The following NALF1 variants were observed in gnomAD, a reference collection of about 807,000 sequenced individuals.
NALF1 encodes family with sequence similarity 155 member A.
Under a neutral mutation model 48.4 loss-of-function variants are expected in NALF1, and 3 were observed. That is an observed-to-expected ratio of 0.06 (90% CI 0.03 to 0.16). The LOEUF (loss-of-function observed/expected upper bound fraction) is 0.16. Ranked by LOEUF, NALF1 falls within the 10% of genes least tolerant of loss-of-function variation. NALF1 has a pLI of 1.00. For missense variants in NALF1, 526 were observed against 571.5 expected (o/e 0.92, Z 0.81); for synonymous variants, 262 against 245.7 (o/e 1.07, Z -0.62).
intron 1 of NALF1, among the ~76,000 whole-genome samples, chr13:107,751,099 G>A (rs1175317716): frequency 1.3e-5 from 2 of 152,188 alleles, no homozygotes; most frequent in Admixed American, 1.3e-4. Context: ...ATTTCCTCCA[G>A]TGCAAACTAA....
intron 1 of NALF1, among the ~76,000 whole-genome samples, chr13:107,312,241 C>T (rs1180143742): frequency 6.6e-6 from 1 of 152,094 alleles, no homozygotes; most frequent in Non-Finnish European, 1.5e-5. Context: ...ACTATGCAGC[C>T]ATAAAAAATG....
chr13:107,771,271 T>C (rs1389473164), intron 1 of NALF1, among the ~76,000 whole-genome samples: 1 of 152,062 alleles, frequency 6.6e-6, no homozygotes, highest in Non-Finnish European at 1.5e-5. Flanking sequence ...TGTCAGTATA[T>C]GATAATTACT....
intron 1 of NALF1, among the ~76,000 whole-genome samples, chr13:107,239,465 G>A (rs1374357037): frequency 1.3e-5 from 2 of 152,136 alleles, no homozygotes; most frequent in African/African-American, 4.8e-5. Context: ...TATTGGATTA[G>A]GGCCCATCCT....
At chr13:107,764,029 G>A (rs1877351865) in intron 1 of NALF1, among the ~76,000 whole-genome samples, 1 of 152,116 alleles carries the variant, frequency 6.6e-6, no homozygotes, top group South Asian at 2.1e-4. Flanking sequence ...TGGGAAAGTC[G>A]ACCAGGCATA....
chr13:107,755,525 C>T (rs1055980513), intron 1 of NALF1, among the ~76,000 whole-genome samples: 9 of 151,176 alleles, frequency 6.0e-5, no homozygotes, highest in Non-Finnish European at 1.0e-4. Context: ...GTTCCATTTT[C>T]ATGCCAAAAT....
At chr13:107,581,613 T>G (rs372770699) in intron 1 of NALF1, among the ~76,000 whole-genome samples, 1 of 152,136 alleles carries the variant, frequency 6.6e-6, no homozygotes, top group Non-Finnish European at 1.5e-5. Context: ...CTAGTTCTGG[T>G]TGGAACTAAG....
Position 107,269,808 on chromosome 13 carries a change from GTTTC to G in NALF1, c.916-59057_916-59054del, listed in dbSNP as rs562005325. Among the ~76,000 whole-genome samples, 89 of 142,608 alleles carry G rather than the reference GTTTC, an allele frequency of 6.2e-4. 2 individuals carry two copies. In the East Asian group the frequency reaches 0.018, roughly 29 times the overall value. 93.6% of individuals were successfully genotyped at this position (142,608 alleles called of 152,430 possible). On this transcript the variant is annotated intron_variant, in intron 1 of 2. Coordinates refer to ENST00000375915, the MANE Select transcript of NALF1 (RefSeq NM_001080396.3). ...GTTTTATTATATAAGGAAGAAATAT[GTTTC>G]TTTTTTTTTTTTGCAAGCTCCGCCT...
At chr13:107,500,017 C>A (rs568335076) in intron 1 of NALF1, among the ~76,000 whole-genome samples, 43 of 152,214 alleles carry the variant, frequency 2.8e-4, no homozygotes, top group African/African-American at 1.0e-3. Context: ...AAACAGATCA[C>A]ACACAGTTTA....
At chr13:107,685,175 G>C (rs147344387) in intron 1 of NALF1, among the ~76,000 whole-genome samples, 1 of 152,052 alleles carries the variant, frequency 6.6e-6, no homozygotes, top group Non-Finnish European at 1.5e-5. Context: ...TTAGCCAGGC[G>C]TGGTGGCGCA....
chr13:107,818,803 C>A (rs1165955608), intron 1 of NALF1, among the ~76,000 whole-genome samples: 11 of 123,782 alleles, frequency 8.9e-5, no homozygotes, highest in African/African-American at 3.9e-4. Context: ...ACCCGGGAGG[C>A]GGAGCTTGCA....
intron 1 of NALF1, among the ~76,000 whole-genome samples, chr13:107,559,229 G>C (rs1197812953): frequency 1.3e-5 from 2 of 152,130 alleles, no homozygotes; most frequent in African/African-American, 4.8e-5. Flanking sequence ...AAACTTCAGG[G>C]AGTAACTCCC....
At chr13:107,524,955 A>AG (rs1204601463) in intron 1 of NALF1, among the ~76,000 whole-genome samples, 1 of 151,162 alleles carries the variant, frequency 6.6e-6, no homozygotes, top group Non-Finnish European at 1.5e-5. Flanking sequence ...AGAGAGAGAG[A>AG]GAAAAAAAAA....
At chr13:107,864,162 G>A (rs1051226740) in intron 1 of NALF1, among the ~76,000 whole-genome samples, 4 of 152,086 alleles carry the variant, frequency 2.6e-5, no homozygotes, top group Admixed American at 6.5e-5. Flanking sequence ...TTTATTCCCA[G>A]GCATAAGTTA....
At chr13:107,460,978 C>T (rs1245180521) in intron 1 of NALF1, among the ~76,000 whole-genome samples, 2 of 152,092 alleles carry the variant, frequency 1.3e-5, no homozygotes, top group South Asian at 2.1e-4. Context: ...TGAGGAGACA[C>T]CTTTTAATAC....
intron 1 of NALF1, among the ~76,000 whole-genome samples, chr13:107,230,042 A>G (rs1880187211): frequency 6.6e-6 from 1 of 152,220 alleles, no homozygotes; most frequent in Non-Finnish European, 1.5e-5. Flanking sequence ...TGGTGAAATC[A>G]CGGGTCAGCT....
chr13:107,744,748 A>T (rs1158287969), intron 1 of NALF1, among the ~76,000 whole-genome samples: 6 of 152,216 alleles, frequency 3.9e-5, no homozygotes, highest in Non-Finnish European at 5.9e-5. Flanking sequence ...ATTGAAACAT[A>T]AAAAATTCTT....
chr13:107,419,927 C>T (rs1884157483), intron 1 of NALF1, among the ~76,000 whole-genome samples: 1 of 151,806 alleles, frequency 6.6e-6, no homozygotes. Context: ...CAACAATTTA[C>T]TTATATGTTA....
chr13:107,420,288 CTTTA>C (rs1296246090), intron 1 of NALF1, among the ~76,000 whole-genome samples: 11 of 152,126 alleles, frequency 7.2e-5, no homozygotes, highest in Non-Finnish European at 1.6e-4. Flanking sequence ...TAAAGCCAAA[CTTTA>C]GATGGTTCTT....
chr13:107,495,176 C>T (rs1259207324), intron 1 of NALF1, among the ~76,000 whole-genome samples: 2 of 152,164 alleles, frequency 1.3e-5, no homozygotes, highest in Non-Finnish European at 2.9e-5. Flanking sequence ...AAAATTTTGA[C>T]AACAGATGTG....
Sources: gnomAD v4.1 joint callset for allele counts (sites outside exome capture counted in the v4.1 genomes callset) on GRCh38, gnomAD v4.1.1 for gene constraint, MANE v1.5 for transcripts, NCBI Gene and HGNC (gene_info 2026-07-23, HGNC 2026-07-21) for gene names.